ATM: variants seen among roughly 807,000 people sequenced by gnomAD.
The protein encoded by ATM is serine-protein kinase ATM.
ATM carries 308 observed loss-of-function variants against 387.0 expected under a neutral mutation model. The observed-to-expected ratio is 0.80, with a 90% CI of 0.73 to 0.87. The LOEUF (loss-of-function observed/expected upper bound fraction) is 0.87. Among genes scored for constraint, ATM ranks in the 40% least tolerant of loss-of-function variants. ATM has a pLI of 0.00. For missense variants in ATM, 3,312 were observed against 3,560.9 expected, an observed-to-expected ratio of 0.93 and a Z score of 1.78; for synonymous variants, 1,156 against 1,187.3, an observed-to-expected ratio of 0.97 and a Z score of 0.54.
At position 108,308,926 on chromosome 11, in the gene ATM, T is replaced by C. The variant is rs902572052; in HGVS notation, c.5762+942T>C. The C allele has an allele frequency of 2.7e-5, 31 of 1,160,296 alleles. No homozygotes were observed. In the Admixed American group the frequency reaches 6.0e-4, roughly 22 times the overall value. The allele number at this position is 1,160,296 out of a possible 1,614,324, so 71.9% of individuals were successfully genotyped here. A position where few individuals can be genotyped will look rare whatever the true frequency, so the allele number is the denominator to read the frequency against. ...AATGTAGTGGAGAGCATTTGTTTTC[T>C]TGGTGTTGGGAGGCAGTTTTACCTT... On this transcript the variant is annotated intron_variant, in intron 38 of 62. Coordinates refer to ENST00000675843, the MANE Select transcript of ATM (RefSeq NM_000051.4).
chr11:108,227,377 T>G, intron 1 of ATM: 3 of 454,510 alleles, frequency 6.6e-6, no homozygotes, highest in Non-Finnish European at 7.8e-6. Flanking sequence ...TGTTACAGCA[T>G]TACTTGTATA....
chr11:108,305,205 A>G (rs2083625213), intron 37 of ATM, among the ~76,000 whole-genome samples: 1 of 152,230 alleles, frequency 6.6e-6, no homozygotes, highest in African/African-American at 2.4e-5. Context: ...GAAAAAACAA[A>G]CACAATCAGA....
At position 108,366,632 on chromosome 11, in the gene ATM, C is replaced by G. The variant is rs1280019634; in HGVS notation, c.*1124C>G. 4.3e-6 allele frequency: 1 copy of G among 230,896 alleles called. No individual in the cohort carries two copies. Among genetic ancestry groups the G allele is most frequent in the African/African-American group, 2.2e-5 (1 of 45,166 alleles). The allele number at this position is 230,896 out of a possible 1,614,324, so 14.3% of individuals were successfully genotyped here. A position where few individuals can be genotyped will look rare whatever the true frequency, so the allele number is the denominator to read the frequency against. Reference sequence around the variant, plus strand: ...TCCCAGGGCTGTTGCTGCACACAAGCCCATTCTTATTTTAATTTCTTGGCT... The same window carrying G: ...TCCCAGGGCTGTTGCTGCACACAAGGCCATTCTTATTTTAATTTCTTGGCT... On this transcript the variant is annotated 3_prime_UTR_variant, in exon 63 of 63. Coordinates refer to ENST00000675843, the MANE Select transcript of ATM (RefSeq NM_000051.4).
intron 61 of ATM, among the ~76,000 whole-genome samples, chr11:108,359,425 T>G (rs2090436549): frequency 6.6e-6 from 1 of 152,110 alleles, no homozygotes; most frequent in Non-Finnish European, 1.5e-5. Flanking sequence ...GGAATTGAAC[T>G]CAGCTCTGCA....
chr11:108,288,501 CTTT>C (rs35604622), intron 27 of ATM, among the ~76,000 whole-genome samples: 4 of 126,710 alleles, frequency 3.2e-5, no homozygotes, highest in South Asian at 2.5e-4. Flanking sequence ...ATATGCTTTA[CTTT>C]TTTTTTTTTT....
At chr11:108,354,058 TACACACACACAA>T (rs1434149436) in intron 60 of ATM, among the ~76,000 whole-genome samples, 178 bp downstream of exon 60, 84 of 67,052 alleles carry the variant, frequency 1.3e-3, no homozygotes, top group Middle Eastern at 9.8e-3. Context: ...TCTAAAAAAA[TACACACACACAA>T]ACACACACAC....
At chr11:108,273,573 C>T (rs1307987561) in intron 22 of ATM, among the ~76,000 whole-genome samples, 1 of 151,886 alleles carries the variant, frequency 6.6e-6, no homozygotes, top group Non-Finnish European at 1.5e-5. Context: ...AACTCCTGAC[C>T]TCAGGTGATC....
chr11:108,299,489 G>A, intron 33 of ATM: 1 of 421,896 alleles, frequency 2.4e-6, no homozygotes, highest in Non-Finnish European at 4.4e-6. Flanking sequence ...TAAAGATGGG[G>A]CTTTACCATG....
rs1348555180 is a variant in ATM at position 108,293,483 on chromosome 11, A to G, written c.4776+6A>G. 1 of 1,604,466 alleles carries G rather than the reference A, an allele frequency of 6.2e-7. No individual in the cohort carries two copies. Among genetic ancestry groups the G allele is most frequent in the Non-Finnish European group, 8.5e-7 (1 of 1,172,200 alleles). On this transcript the variant is annotated splice_donor_region_variant and intron_variant, in intron 31 of 62. Coordinates refer to ENST00000675843, the MANE Select transcript of ATM (RefSeq NM_000051.4). ...GACCCTTTTCACTCTTGGAGGTAAT[A>G]AAAATTTCATCATCTACTATTTTTT...
chr11:108,342,643 AG>A (rs1278484516), intron 56 of ATM, among the ~76,000 whole-genome samples: 1 of 152,182 alleles, frequency 6.6e-6, no homozygotes, highest in African/African-American at 2.4e-5. Context: ...AATGGATAAA[AG>A]GGTATCTGTT....
At chr11:108,348,509 C>T (rs1348046949) in intron 59 of ATM, among the ~76,000 whole-genome samples, 2 of 151,196 alleles carry the variant, frequency 1.3e-5, no homozygotes, top group Non-Finnish European at 3.0e-5. Flanking sequence ...TAGTTTTGCT[C>T]ATTATTTTGA....
At chr11:108,277,836 T>C (rs541655361) in intron 22 of ATM, among the ~76,000 whole-genome samples, 1 of 152,332 alleles carries the variant, frequency 6.6e-6, no homozygotes, top group Non-Finnish European at 1.5e-5. Flanking sequence ...GCCATCTTGC[T>C]GTTCCCTTGT....
In ATM at chr11:108,335,002, A is replaced by C. The variant is rs730881320; in HGVS notation, c.8044A>C (p.Thr2682Pro). 6.2e-7 allele frequency: 1 copy of C among 1,613,696 alleles called. No individual in the cohort carries two copies. Among genetic ancestry groups the C allele is most frequent in the Non-Finnish European group, 8.5e-7 (1 of 1,179,644 alleles). The change falls in exon 55 of 63, where the codon ACT becomes CCT. Residue 2682 changes from threonine (T) to proline (P), a missense_variant. Thr to Pro is a conservative substitution (Grantham distance 38). Transcript: ENST00000675843. Reference sequence around the variant, plus strand: ...CACAGGAGAATATGGAAATCTGGTGACTATACAGTCATTTAAAGCAGAATT... The same window carrying C: ...CACAGGAGAATATGGAAATCTGGTGCCTATACAGTCATTTAAAGCAGAATT... Reference protein sequence around the residue: ...DHTGEYGNLVTIQSFKAEFRL... With the variant: ...DHTGEYGNLVPIQSFKAEFRL...
rs970407823 is a variant in ATM, at chr11:108,227,838, G to T, written c.135G>T (p.Arg45=). Residue 45 remains arginine (R), a synonymous_variant, in exon 3 of 63, where the codon CGG becomes CGT. Transcript: ENST00000675843. The part of the protein sequence containing the change: ...RDPETIKHLD[R]HSDSKQGKYL... ...CTGAAACAATTAAACATCTAGATCGGCATTCAGATTCCAAACAAGGAAAAT... is the reference window on the plus strand; with the variant it reads ...CTGAAACAATTAAACATCTAGATCGTCATTCAGATTCCAAACAAGGAAAAT... 6.2e-7 allele frequency: 1 copy of T among 1,613,278 alleles called. No individual in the cohort carries two copies. Among genetic ancestry groups the T allele is most frequent in the African/African-American group, 1.3e-5 (1 of 74,906 alleles).
intron 36 of ATM, 39 bp downstream of exon 36, chr11:108,303,068 T>C: frequency 6.4e-7 from 1 of 1,563,660 alleles, no homozygotes; most frequent in Non-Finnish European, 8.8e-7. Flanking sequence ...TCCTTGTTTA[T>C]GACCTGTTTA....
intron 8 of ATM, 89 bp from the exon 9 acceptor site, chr11:108,248,844 T>C (rs1361257491): frequency 7.1e-6 from 8 of 1,133,578 alleles, no homozygotes; most frequent in Non-Finnish European, 7.5e-6. Context: ...TACGAGATCG[T>C]GCTGTTCCAC....
chr11:108,253,995 C>A lies in ATM; in HGVS notation c.2080C>A (p.Leu694Ile), dbSNP rs759617968. 1 of 1,613,972 alleles carries A rather than the reference C, an allele frequency of 6.2e-7. No individual in the cohort carries two copies. The highest frequency in any genetic ancestry group is 1.7e-5 in the Admixed American group (1 of 60,012). ...QNLKESLDRC[L>I]LGLSEQLLNN... ...TCTCAAGGAATCACTGGATCGCTGT[C>A]TTCTGGGATTATCAGAACAGCTTCT... The change falls in exon 13 of 63, where the codon CTT becomes ATT. Residue 694 changes from leucine to isoleucine, a missense_variant. Around this residue, in one of 4 missense-constraint regions of ATM, gnomAD observed 1,791 missense variants for 1,804.5 expected, o/e 0.99. Coordinates refer to ENST00000675843, the MANE Select transcript of ATM (RefSeq NM_000051.4).
intron 4 of ATM, among the ~76,000 whole-genome samples, chr11:108,232,026 A>C (rs893473971): frequency 6.6e-6 from 1 of 152,222 alleles, no homozygotes; most frequent in Non-Finnish European, 1.5e-5. Flanking sequence ...GAAAGAGTGA[A>C]TGAGAGAAAG....
chr11:108,225,971 G>A (rs554053323), intron 1 of ATM: 5 of 152,012 alleles, frequency 3.3e-5, no homozygotes, highest in African/African-American at 1.2e-4. Flanking sequence ...GATAGGAGAA[G>A]GACTTTCCCT....
Sources: gnomAD v4.1 joint callset for allele counts (sites outside exome capture counted in the v4.1 genomes callset) on GRCh38, gnomAD v4.1.1 for gene constraint, gnomAD v4.1.1 regional missense constraint, MANE v1.5 for transcripts, NCBI Gene and HGNC (gene_info 2026-07-23, HGNC 2026-07-21) for gene names.